RNF220: variants seen among roughly 807,000 people sequenced by gnomAD.
RNF220 encodes ring finger protein 220.
A neutral mutation model predicts 67.1 loss-of-function variants in RNF220; 7 were observed. The ratio of observed to expected loss-of-function variants is 0.10; its 90% CI spans 0.06 to 0.20. RNF220 has a LOEUF of 0.20. RNF220 is among the 10% of genes least tolerant of loss of function. The pLI is 1.00. For synonymous variants in RNF220, 270 were observed against 283.2 expected, an observed-to-expected ratio of 0.95 and a Z score of 0.47; for missense variants, 565 against 740.3, an observed-to-expected ratio of 0.76 and a Z score of 2.75.
chr1:44,625,026 T>TGAGAGAGAGAGAGAGA (rs71665956), intron 4 of RNF220, among the ~76,000 whole-genome samples: 3 of 147,476 alleles, frequency 2.0e-5, no homozygotes, highest in South Asian at 4.3e-4. Flanking sequence ...CTAGAGAGAA[T>TGAGAGAGAGAGAGAGA]GAGAGAGAGA....
chr1:44,635,678 A>T lies in RNF220; in HGVS notation c.993+90A>T, dbSNP rs541398176. On this transcript the variant is annotated intron_variant, in intron 7 of 14. Coordinates refer to ENST00000361799, the MANE Select transcript of RNF220 (RefSeq NM_018150.4). ...ATTGCCTTTCTAAGGTAGAGGGGCCATCACCACCCACCTTCCTTCCCCGCT... is the reference window on the plus strand; with the variant it reads ...ATTGCCTTTCTAAGGTAGAGGGGCCTTCACCACCCACCTTCCTTCCCCGCT... The T allele has an allele frequency of 6.2e-6, 10 of 1,604,448 alleles. No individual in the cohort carries two copies. In the East Asian group the frequency reaches 1.8e-4, roughly 29 times the overall value.
intron 2 of RNF220, among the ~76,000 whole-genome samples, chr1:44,507,606 G>A (rs889897972): frequency 2.0e-5 from 3 of 152,060 alleles, no homozygotes; most frequent in African/African-American, 4.8e-5. Context: ...CCTTTAGGGG[G>A]CAACAAGTAG....
chr1:44,511,168 CA>C (rs752994971), intron 2 of RNF220, among the ~76,000 whole-genome samples: 3 of 152,124 alleles, frequency 2.0e-5, no homozygotes, highest in Admixed American at 6.5e-5. Flanking sequence ...AGACTACAGC[CA>C]ATTCTGATAA....
chr1:44,615,359 C>G (rs1425654309), intron 3 of RNF220, among the ~76,000 whole-genome samples: 1 of 152,054 alleles, frequency 6.6e-6, no homozygotes, highest in African/African-American at 2.4e-5. Context: ...ACATACACCC[C>G]CCTTTTGATG....
chr1:44,426,813 A>G (rs996450784), intron 2 of RNF220, among the ~76,000 whole-genome samples: 5 of 152,192 alleles, frequency 3.3e-5, no homozygotes, highest in African/African-American at 1.2e-4. Context: ...GACCAGTAAC[A>G]AGCAGATTCA....
At chr1:44,614,507 G>A (rs935924671) in intron 3 of RNF220, among the ~76,000 whole-genome samples, 22 of 152,224 alleles carry the variant, frequency 1.4e-4, no homozygotes, top group African/African-American at 5.1e-4. Context: ...GGAGATGGGA[G>A]GAGAGTGACC....
chr1:44,574,724 T>G (rs1444408622), intron 2 of RNF220, among the ~76,000 whole-genome samples: 1 of 152,242 alleles, frequency 6.6e-6, no homozygotes, highest in East Asian at 1.9e-4. Flanking sequence ...GTCTTAGATG[T>G]CACTGCCTTT....
intron 2 of RNF220, among the ~76,000 whole-genome samples, chr1:44,452,370 G>A (rs1051043994): frequency 6.6e-6 from 1 of 151,512 alleles, no homozygotes; most frequent in Non-Finnish European, 1.5e-5. Flanking sequence ...CCAGACCAAC[G>A]TGGTGAAACC....
intron 2 of RNF220, among the ~76,000 whole-genome samples, chr1:44,464,869 A>G (rs954454184): frequency 1.5e-4 from 23 of 152,138 alleles, no homozygotes; most frequent in African/African-American, 5.6e-4. Context: ...CTGATTCATC[A>G]TTCATAGAGC....
At chr1:44,572,018 C>T (rs1292364482) in intron 2 of RNF220, among the ~76,000 whole-genome samples, 2 of 152,260 alleles carry the variant, frequency 1.3e-5, no homozygotes, top group Admixed American at 1.3e-4. Context: ...TGCCATCTCT[C>T]ACCCCAGTGA....
rs1388896634 is a variant in RNF220, at chr1:44,649,631, T to C, written c.1446-30T>C. 4 of 1,604,700 alleles carry C rather than the reference T, an allele frequency of 2.5e-6. No homozygotes were observed. ...GAGGTACAGATGAGAGATGCCAGCCTGCTACCCAACCATGCCTTCCTTTTT... is the reference window on the plus strand; with the variant it reads ...GAGGTACAGATGAGAGATGCCAGCCCGCTACCCAACCATGCCTTCCTTTTT... On this transcript the variant is annotated intron_variant, in intron 12 of 14. Coordinates refer to ENST00000361799, the MANE Select transcript of RNF220 (RefSeq NM_018150.4). This position sits in a 1 kb window ranked among gnomAD's most constrained non-coding sequence, Gnocchi z 5.9.
intron 2 of RNF220, among the ~76,000 whole-genome samples, chr1:44,482,641 A>G (rs556987622): frequency 9.3e-5 from 14 of 150,530 alleles, no homozygotes; most frequent in African/African-American, 2.9e-4. Flanking sequence ...TTTTTTTTTT[A>G]GACAGAGTCT....
At chr1:44,571,836 A>G (rs574447395) in intron 2 of RNF220, among the ~76,000 whole-genome samples, 1 of 152,346 alleles carries the variant, frequency 6.6e-6, no homozygotes, top group African/African-American at 2.4e-5. Context: ...ATTTCATTAA[A>G]TGGCACCACA....
chr1:44,432,158 T>A (rs1650450353), intron 2 of RNF220, among the ~76,000 whole-genome samples: 1 of 152,114 alleles, frequency 6.6e-6, no homozygotes, highest in Non-Finnish European at 1.5e-5. Flanking sequence ...TTAAAGCACT[T>A]TGAATTTTTT....
chr1:44,584,699 T>C (rs1665565711), intron 2 of RNF220, among the ~76,000 whole-genome samples: 1 of 152,140 alleles, frequency 6.6e-6, no homozygotes, highest in African/African-American at 2.4e-5. Context: ...TTTGTTTGTT[T>C]GTTTGCTTTT....
At chr1:44,647,512 G>A (rs1644685357) in intron 12 of RNF220, among the ~76,000 whole-genome samples, 1 of 140,380 alleles carries the variant, frequency 7.1e-6, no homozygotes, top group Non-Finnish European at 1.6e-5. Flanking sequence ...GTACCAGGAG[G>A]AAAGAGTCAG....
At chr1:44,535,424 C>CAA (rs1450134363) in intron 2 of RNF220, among the ~76,000 whole-genome samples, 21 of 152,090 alleles carry the variant, frequency 1.4e-4, no homozygotes, top group Non-Finnish European at 2.6e-4. Context: ...CAGGCATGAG[C>CAA]CACCGTGCCC....
At position 44,650,554 on chromosome 1, in the gene RNF220, C is replaced by T. The variant is rs1380107835; in HGVS notation, c.1630-150C>T. ...ACACAGGAGCGTGCCTGCCTGCTCA[C>T]AGAAGCTGCCTATGCGTCCCCAGCC... is the stretch of plus-strand genomic sequence containing the variant. On this transcript the variant is annotated intron_variant, in intron 14 of 14. Transcript: ENST00000361799. The surrounding 1 kb of genome is among the most constrained non-coding windows in gnomAD (Gnocchi z 4.3). The T allele has an allele frequency of 2.6e-6, 2 of 767,520 alleles. No homozygotes were observed. Among genetic ancestry groups the T allele is most frequent in the Non-Finnish European group, 2.2e-6 (1 of 462,940 alleles). The allele number at this position is 767,520 out of a possible 1,614,324, so 47.5% of individuals were successfully genotyped here.
Position 44,412,637 on chromosome 1 carries a change from T to C in RNF220, c.540T>C (p.Asp180=). The C allele has an allele frequency of 6.2e-7, 1 of 1,614,200 alleles. No individual in the cohort carries two copies. The highest frequency in any genetic ancestry group is 8.5e-7 in the Non-Finnish European group (1 of 1,180,028). Residue 180 remains aspartate, a synonymous_variant, in exon 2 of 15, where the codon GAT becomes GAC. Coordinates refer to ENST00000361799, the MANE Select transcript of RNF220 (RefSeq NM_018150.4). This position sits in a 1 kb window ranked among gnomAD's most constrained non-coding sequence, Gnocchi z 5.3. The stretch of plus-strand genomic sequence containing the variant: ...GCTCCCCCGGTTCACTAAAGGTTGA[T>C]GACACTGGGAAGAAGATTTTTGCTG... The part of the protein sequence containing the change: ...PSSSPGSLKV[D]DTGKKIFAVS...
Sources: allele counts gnomAD v4.1 joint callset (sites outside exome capture counted in the v4.1 genomes callset), GRCh38; gene constraint gnomAD v4.1.1; non-coding constraint Gnocchi (gnomAD v3.1); transcripts MANE v1.5; gene names NCBI Gene and HGNC (gene_info 2026-07-23, HGNC 2026-07-21).